The following SNAP23 variants were observed in gnomAD, a reference collection of about 807,000 sequenced individuals.
SNAP23 encodes synaptosomal-associated protein 23.
A neutral mutation model predicts 29.0 loss-of-function variants in SNAP23; 11 were observed. That is an observed-to-expected ratio of 0.38 (90% confidence interval 0.24 to 0.63). The LOEUF is 0.63. Among genes scored for constraint, SNAP23 ranks in the 20% least tolerant of loss-of-function variants. SNAP23 has a pLI of 0.58. For synonymous variants in SNAP23, 60 were observed against 82.9 expected, an observed-to-expected ratio of 0.72 and a Z score of 1.50; for missense variants, 220 against 253.9, an observed-to-expected ratio of 0.87 and a Z score of 0.91.
At chr15:42,516,323 C>A (rs1304399531) in intron 5 of SNAP23, among the ~76,000 whole-genome samples, 2 of 152,042 alleles carry the variant, frequency 1.3e-5, no homozygotes, top group African/African-American at 4.8e-5. Flanking sequence ...AGCCACTGCA[C>A]ACAGCCAAAG....
At chr15:42,498,878 G>T (rs139286490) in intron 1 of SNAP23, among the ~76,000 whole-genome samples, 2 of 152,250 alleles carry the variant, frequency 1.3e-5, no homozygotes, top group East Asian at 3.9e-4. Context: ...TTTGTCTCAG[G>T]CTAGGTTTTA....
At chr15:42,519,743 T>A (rs1011042007) in intron 5 of SNAP23, among the ~76,000 whole-genome samples, 4 of 151,938 alleles carry the variant, frequency 2.6e-5, no homozygotes, top group African/African-American at 7.3e-5. Flanking sequence ...GCTCAAGCAA[T>A]CCTCCCACAT....
intron 5 of SNAP23, among the ~76,000 whole-genome samples, chr15:42,523,124 G>T (rs1477377783): frequency 6.6e-6 from 1 of 151,254 alleles, no homozygotes; most frequent in Non-Finnish European, 1.5e-5. Flanking sequence ...GAAATTACAG[G>T]CGTGAGCCAC....
chr15:42,518,740 A>G (rs1366086656), intron 5 of SNAP23, among the ~76,000 whole-genome samples: 1 of 143,580 alleles, frequency 7.0e-6, no homozygotes. Flanking sequence ...AATCTAAAAA[A>G]CTCCTAAAGT....
At chr15:42,496,775 G>T (rs937976597) in intron 1 of SNAP23, among the ~76,000 whole-genome samples, 2 of 151,968 alleles carry the variant, frequency 1.3e-5, no homozygotes, top group Non-Finnish European at 2.9e-5. Context: ...AAGGAAGGAA[G>T]TTTAATTGAC....
At chr15:42,521,153 T>C (rs1054546294) in intron 5 of SNAP23, among the ~76,000 whole-genome samples, 2 of 152,232 alleles carry the variant, frequency 1.3e-5, no homozygotes, top group Non-Finnish European at 2.9e-5. Context: ...AGTTACTCAA[T>C]AAACACTTGT....
In SNAP23 at chr15:42,512,956, C is replaced by A; in HGVS notation, c.59C>A (p.Ser20Tyr). ...QQRAHQITDE[S>Y]LESTRRILGL... ...CTAAAATTCTGTGTTCTTTCCTAGT[C>A]TCTGGAAAGTACGAGGAGAATCCTG... Residue 20 changes from serine to tyrosine, a missense_variant and splice_region_variant, in exon 3 of 8, where the codon TCT becomes TAT. By Grantham distance (144) the Ser-to-Tyr change is moderately radical. Coordinates refer to ENST00000249647, the MANE Select transcript of SNAP23 (RefSeq NM_003825.4). 1 of 1,609,496 alleles carries A rather than the reference C, an allele frequency of 6.2e-7. No individual in the cohort carries two copies. Among genetic ancestry groups the A allele is most frequent in the Non-Finnish European group, 8.5e-7 (1 of 1,176,096 alleles).
chr15:42,510,434 C>G (rs2057351022), intron 1 of SNAP23, among the ~76,000 whole-genome samples: 1 of 152,086 alleles, frequency 6.6e-6, no homozygotes, highest in Non-Finnish European at 1.5e-5. Flanking sequence ...CCACACCCAG[C>G]CAAAAATGAC....
intron 1 of SNAP23, among the ~76,000 whole-genome samples, chr15:42,509,641 T>C (rs1480829178): frequency 1.3e-5 from 2 of 151,408 alleles, no homozygotes; most frequent in African/African-American, 4.8e-5. Flanking sequence ...GGTTTCACCA[T>C]GTCGATCAAG....
At chr15:42,496,726 CAAAAAG>C (rs1174445852) in intron 1 of SNAP23, among the ~76,000 whole-genome samples, 1 of 151,554 alleles carries the variant, frequency 6.6e-6, no homozygotes, top group Non-Finnish European at 1.5e-5. Flanking sequence ...CAAAAAAAAA[CAAAAAG>C]CAAAAGAAAT....
upstream of SNAP23, among the ~76,000 whole-genome samples, chr15:42,491,925 T>G (rs111685051): frequency 8.6e-6 from 1 of 116,154 alleles, no homozygotes; most frequent in African/African-American, 3.5e-5. Context: ...TAGTTAGTTA[T>G]TTTGAGATGG....
chr15:42,494,954 A>T (rs922040228), upstream of SNAP23, among the ~76,000 whole-genome samples: 1 of 152,176 alleles, frequency 6.6e-6, no homozygotes, highest in Admixed American at 6.5e-5. Context: ...CCCTAGTACA[A>T]AGTGGTCTAA....
intron 5 of SNAP23, among the ~76,000 whole-genome samples, chr15:42,518,148 C>G (rs1019148894): frequency 2.6e-5 from 4 of 152,150 alleles, no homozygotes; most frequent in Non-Finnish European, 4.4e-5. Context: ...CTTTCTTCCA[C>G]CTATTTCTTT....
At chr15:42,525,448 C>CTTTTT (rs1566819532) in intron 5 of SNAP23, among the ~76,000 whole-genome samples, 5 of 50,698 alleles carry the variant, frequency 9.9e-5, no homozygotes, top group Non-Finnish European at 1.9e-4. Flanking sequence ...AAGATCCAGT[C>CTTTTT]TTCTTTTTTT....
rs546709393 is a variant in SNAP23, at chr15:42,523,049, T to C, written c.267-5213T>C. Among the ~76,000 whole-genome samples the C allele has an allele frequency of 8.9e-4, 136 of 152,126 alleles. 1 individual carries two copies. The highest frequency in any genetic ancestry group is 3.2e-3 in the African/African-American group (131 of 41,508). ...TTAGTACAGAATAGGTTTCACCATG[T>C]TGGTCAGGCTGGTCTTGAACTCCTG... On this transcript the variant is annotated intron_variant, in intron 5 of 7. Coordinates refer to ENST00000249647, the MANE Select transcript of SNAP23 (RefSeq NM_003825.4).
At chr15:42,530,655 C>T (rs1038654255) in intron 7 of SNAP23, among the ~76,000 whole-genome samples, 9 of 152,080 alleles carry the variant, frequency 5.9e-5, no homozygotes, top group South Asian at 2.1e-4. Context: ...GAGGCTGAGG[C>T]AGAAGGATTG....
At chr15:42,498,553 G>C (rs1307021871) in intron 1 of SNAP23, among the ~76,000 whole-genome samples, 1 of 152,102 alleles carries the variant, frequency 6.6e-6, no homozygotes, top group African/African-American at 2.4e-5. Flanking sequence ...TTTCTTCCTA[G>C]GCCTCAGGTC....
chr15:42,492,868 A>G (rs780552998), upstream of SNAP23: 1 of 152,150 alleles, frequency 6.6e-6, no homozygotes. Context: ...AAGGCATGCA[A>G]TGGAGGAACT....
In SNAP23 at chr15:42,531,396, T is replaced by C. The variant is rs563113513; in HGVS notation, c.571-17T>C. 5 of 1,522,542 alleles carry C rather than the reference T, an allele frequency of 3.3e-6. No homozygotes were observed. The highest frequency in any genetic ancestry group is 2.7e-5 in the South Asian group (2 of 74,336). 94.3% of individuals were successfully genotyped at this position (1,522,542 alleles called of 1,614,324 possible). ...AGTTACTTACCTTGTAAAGCTGATA[T>C]CTTTCTTGTTTTTCAGGCTGACACC... is the stretch of plus-strand genomic sequence containing the variant. On this transcript the variant is annotated splice_polypyrimidine_tract_variant and intron_variant, in intron 7 of 7. Coordinates refer to ENST00000249647, the MANE Select transcript of SNAP23 (RefSeq NM_003825.4).
Sources: allele counts gnomAD v4.1 joint callset (sites outside exome capture counted in the v4.1 genomes callset), GRCh38; gene constraint gnomAD v4.1.1; transcripts MANE v1.5; gene names NCBI Gene and HGNC (gene_info 2026-07-23, HGNC 2026-07-21).